The following DAB1 variants were observed in gnomAD, a reference collection of about 807,000 sequenced individuals.
The protein encoded by DAB1 is DAB adaptor protein 1.
DAB1 carries 15 observed loss-of-function variants against 64.6 expected under a neutral mutation model. The ratio of observed to expected loss-of-function variants is 0.23; its 90% confidence interval spans 0.16 to 0.36. The LOEUF (loss-of-function observed/expected upper bound fraction) is 0.36. Ranked by LOEUF, DAB1 falls within the 10% of genes least tolerant of loss-of-function variation. The probability of loss-of-function intolerance (pLI) is 1.00; values close to 1 mark genes in which losing one functional copy is unlikely to be tolerated. For synonymous variants in DAB1, 235 were observed against 251.9 expected, an observed-to-expected ratio of 0.93 and a Z score of 0.64; for missense variants, 596 against 706.7, an observed-to-expected ratio of 0.84 and a Z score of 1.78.
chr1:57,756,295 A>G (rs1648802270), intron 6 of DAB1, among the ~76,000 whole-genome samples: 1 of 152,066 alleles, frequency 6.6e-6, no homozygotes, highest in Non-Finnish European at 1.5e-5. Flanking sequence ...ACAAAGTTTG[A>G]TTAATATCAT....
intron 6 of DAB1, among the ~76,000 whole-genome samples, chr1:57,683,393 C>T (rs1324532965): frequency 2.6e-5 from 4 of 152,142 alleles, no homozygotes; most frequent in Admixed American, 2.6e-4. Context: ...TCATCTCTCC[C>T]CACCCTCCAC....
intron 5 of DAB1, among the ~76,000 whole-genome samples, chr1:58,025,649 G>GTATATATATATATATATATATATATA (rs1395128282): frequency 4.3e-5 from 5 of 115,058 alleles, no homozygotes; most frequent in African/African-American, 1.8e-4. Context: ...ATATATATGT[G>GTATATATATATATATATATATATATA]TGTATATATA....
At chr1:58,535,199 C>A (rs1292010688) in intron 1 of DAB1, among the ~76,000 whole-genome samples, 1 of 152,124 alleles carries the variant, frequency 6.6e-6, no homozygotes, top group East Asian at 1.9e-4. Flanking sequence ...ACAGAAGATA[C>A]TTTTTCTGAA....
At chr1:57,623,609 A>T (rs1318424710) in intron 7 of DAB1, among the ~76,000 whole-genome samples, 3 of 152,132 alleles carry the variant, frequency 2.0e-5, no homozygotes, top group Admixed American at 2.0e-4. Flanking sequence ...TGGGACATGC[A>T]AGAGGCCACA....
At chr1:56,998,934 G>A (rs1463356275) in intron 14 of DAB1, among the ~76,000 whole-genome samples, 1 of 152,142 alleles carries the variant, frequency 6.6e-6, no homozygotes, top group Non-Finnish European at 1.5e-5. Flanking sequence ...ATGGCTCATT[G>A]TGCCTTGGCC....
intron 5 of DAB1, among the ~76,000 whole-genome samples, chr1:58,074,662 A>G (rs1339845848): frequency 6.7e-6 from 1 of 149,500 alleles, no homozygotes; most frequent in African/African-American, 2.5e-5. Flanking sequence ...AACGAACTTT[A>G]TGCCAACAAG....
intron 3 of DAB1, among the ~76,000 whole-genome samples, chr1:58,376,273 G>A (rs1487089930): frequency 7.1e-6 from 1 of 140,584 alleles, no homozygotes; most frequent in Admixed American, 7.1e-5. Context: ...GTGATGTTAG[G>A]GTGTCAATTT....
chr1:57,387,819 CTCAA>C (rs1558288818), intron 1 of DAB1, among the ~76,000 whole-genome samples: 1 of 71,610 alleles, frequency 1.4e-5, no homozygotes. Context: ...AAGACTCAGC[CTCAA>C]AAAAAAAAAA....
At chr1:57,508,120 C>G (rs1410310565) in intron 7 of DAB1, among the ~76,000 whole-genome samples, 1 of 152,156 alleles carries the variant, frequency 6.6e-6, no homozygotes, top group Admixed American at 6.5e-5. Flanking sequence ...TTCATTACTG[C>G]CCTCCTCACA....
chr1:57,098,135 T>C (rs72907116), intron 4 of DAB1, among the ~76,000 whole-genome samples: 3,830 of 152,244 alleles, frequency 0.025, 159 homozygotes, highest in African/African-American at 0.087. Context: ...TTGATAAACC[T>C]CCAACCTAAG....
At chr1:57,533,984 A>G (rs1644695941) in intron 7 of DAB1, among the ~76,000 whole-genome samples, 1 of 152,206 alleles carries the variant, frequency 6.6e-6, no homozygotes, top group Non-Finnish European at 1.5e-5. Context: ...AAGTAGAAGC[A>G]TGAAGAATAC....
chr1:57,346,026 G>A (rs944487003), intron 1 of DAB1, among the ~76,000 whole-genome samples: 5 of 152,186 alleles, frequency 3.3e-5, no homozygotes, highest in African/African-American at 4.8e-5. Context: ...CCCTGAGATC[G>A]AGAGAAGAAA....
chr1:57,239,154 T>A (rs914978147), intron 2 of DAB1, among the ~76,000 whole-genome samples: 1 of 152,076 alleles, frequency 6.6e-6, no homozygotes, highest in Non-Finnish European at 1.5e-5. Context: ...CACATAGACT[T>A]CCACCCAGAT....
At chr1:58,364,710 T>C (rs944018785) in intron 3 of DAB1, among the ~76,000 whole-genome samples, 2 of 152,264 alleles carry the variant, frequency 1.3e-5, no homozygotes, top group African/African-American at 4.8e-5. Context: ...TCTGTATTTA[T>C]ATACATGTGT....
intron 7 of DAB1, among the ~76,000 whole-genome samples, chr1:57,431,272 T>C (rs1685505421): frequency 1.3e-5 from 2 of 151,664 alleles, no homozygotes; most frequent in Admixed American, 1.3e-4. Context: ...AAATGTCTTA[T>C]CTGCCACAAT....
rs184911844 is a variant in DAB1 at position 58,294,683 on chromosome 1, G to T, written n.309+48669C>A. Among the ~76,000 whole-genome samples the T allele has an allele frequency of 2.2e-3, 333 of 152,192 alleles. 1 individual carries two copies. Among genetic ancestry groups the T allele is most frequent in the African/African-American group, 7.4e-3 (309 of 41,540 alleles). ...TGCAATGGGAGCTTAGAAAAAAGAG[G>T]TTAATTACAGCCAGCACAGAGTGGG... On this transcript the variant is annotated intron_variant and non_coding_transcript_variant, in intron 4 of 20. Transcript: ENST00000485760.
chr1:57,221,464 T>C (rs928325161), intron 2 of DAB1, among the ~76,000 whole-genome samples: 1 of 151,802 alleles, frequency 6.6e-6, no homozygotes, highest in Non-Finnish European at 1.5e-5. Flanking sequence ...AAAGACATGC[T>C]TAAGGTCACC....
At chr1:57,651,168 G>T (rs1050347067) in intron 6 of DAB1, among the ~76,000 whole-genome samples, 1 of 151,104 alleles carries the variant, frequency 6.6e-6, no homozygotes, top group South Asian at 2.1e-4. Context: ...AAAAAAAAAA[G>T]ATCTTATGGT....
At chr1:58,219,400 T>C (rs1010666859) in intron 4 of DAB1, among the ~76,000 whole-genome samples, 1 of 152,190 alleles carries the variant, frequency 6.6e-6, no homozygotes, top group East Asian at 1.9e-4. Flanking sequence ...CATCTGGACA[T>C]GCAACACCTC....
Sources: allele counts gnomAD v4.1 joint callset (sites outside exome capture counted in the v4.1 genomes callset), GRCh38; gene constraint gnomAD v4.1.1; transcripts MANE v1.5; gene names NCBI Gene and HGNC (gene_info 2026-07-23, HGNC 2026-07-21).